Variants in CACNA1D observed in about 807,000 individuals in gnomAD.
CACNA1D encodes calcium voltage-gated channel subunit alpha1 D, also known as voltage-dependent L-type calcium channel subunit alpha-1D.
Under a neutral mutation model 257.1 loss-of-function variants are expected in CACNA1D, and 55 were observed. The ratio of observed to expected loss-of-function variants is 0.21; its 90% CI spans 0.17 to 0.27. The LOEUF (loss-of-function observed/expected upper bound fraction) is 0.27. Ranked by LOEUF, CACNA1D falls within the 10% of genes least tolerant of loss-of-function variation. CACNA1D has a pLI of 1.00. For missense variants in CACNA1D, 1,876 were observed against 2,784.0 expected, an observed-to-expected ratio of 0.67 and a Z score of 7.34; for synonymous variants, 980 against 1,014.9, an observed-to-expected ratio of 0.97 and a Z score of 0.65.
intron 3 of CACNA1D, among the ~76,000 whole-genome samples, chr3:53,601,424 G>C (rs544089173): frequency 6.6e-6 from 1 of 152,348 alleles, no homozygotes; most frequent in Non-Finnish European, 1.5e-5. Context: ...AGCTGGTTTA[G>C]TAGCAAGGGA....
At chr3:53,524,717 G>A (rs2091698401) in intron 3 of CACNA1D, among the ~76,000 whole-genome samples, 1 of 152,154 alleles carries the variant, frequency 6.6e-6, no homozygotes, top group Non-Finnish European at 1.5e-5. Context: ...AGCAGAGTAA[G>A]TTTTCAGGCT....
chr3:53,598,388 C>A (rs1299753071), intron 3 of CACNA1D, among the ~76,000 whole-genome samples: 11 of 150,972 alleles, frequency 7.3e-5, no homozygotes, highest in African/African-American at 2.7e-4. Context: ...CCAGCCTAAC[C>A]AACATGGCAC....
At chr3:53,539,027 G>A (rs542982434) in intron 3 of CACNA1D, among the ~76,000 whole-genome samples, 2 of 152,044 alleles carry the variant, frequency 1.3e-5, no homozygotes, top group Non-Finnish European at 2.9e-5. Context: ...GATCATTTAA[G>A]ACAAAATACG....
chr3:53,561,105 A>G lies in CACNA1D; in HGVS notation c.483+59385A>G, dbSNP rs374168209. On this transcript the variant is annotated intron_variant, in intron 3 of 47. Coordinates refer to ENST00000350061, the MANE Select transcript of CACNA1D (RefSeq NM_001128840.3). ...TTCATCTTCATTTTATGGATCAAGA[A>G]ACTGAGGCACAGAGAGGACTGCTAG... Among the ~76,000 whole-genome samples, 129 of 152,298 alleles carry G rather than the reference A, an allele frequency of 8.5e-4. 3 individuals are homozygous for G. The South Asian group carries it at 0.025, about 30-fold the overall frequency.
At chr3:53,531,334 G>A (rs569082542) in intron 3 of CACNA1D, among the ~76,000 whole-genome samples, 1 of 152,252 alleles carries the variant, frequency 6.6e-6, no homozygotes, top group Non-Finnish European at 1.5e-5. Context: ...TACGTTAGCA[G>A]ATTATAGTCT....
At chr3:53,682,103 C>T (rs2094435147) in intron 8 of CACNA1D, among the ~76,000 whole-genome samples, 1 of 152,068 alleles carries the variant, frequency 6.6e-6, no homozygotes, top group Non-Finnish European at 1.5e-5. Flanking sequence ...GAATTTTAAG[C>T]AGGGAGTGAT....
At chr3:53,690,511 G>T (rs2094509492) in intron 8 of CACNA1D, among the ~76,000 whole-genome samples, 1 of 152,194 alleles carries the variant, frequency 6.6e-6, no homozygotes, top group Admixed American at 6.5e-5. Flanking sequence ...GTGGTGCTCT[G>T]CCCCTTGTTC....
intron 3 of CACNA1D, among the ~76,000 whole-genome samples, chr3:53,563,768 A>G (rs143069591): frequency 4.7e-4 from 72 of 152,300 alleles, no homozygotes; most frequent in African/African-American, 1.5e-3. Flanking sequence ...TGATCTATCT[A>G]TACTTTGACT....
chr3:53,637,114 C>T (rs1183666656), intron 3 of CACNA1D, among the ~76,000 whole-genome samples: 2 of 152,006 alleles, frequency 1.3e-5, no homozygotes, highest in Non-Finnish European at 2.9e-5. Context: ...AAAAGATGCT[C>T]AATGGGAAAA....
chr3:53,531,635 A>G (rs942930885), intron 3 of CACNA1D, among the ~76,000 whole-genome samples: 1 of 152,180 alleles, frequency 6.6e-6, no homozygotes, highest in Non-Finnish European at 1.5e-5. Flanking sequence ...AGATTTTTCT[A>G]CAGAGGTACC....
chr3:53,663,539 G>A (rs947554758), intron 5 of CACNA1D, among the ~76,000 whole-genome samples: 2 of 152,140 alleles, frequency 1.3e-5, no homozygotes, highest in Non-Finnish European at 2.9e-5. Context: ...TCCTAATCCT[G>A]AGTGCTGCCC....
At chr3:53,585,012 T>C (rs931714621) in intron 3 of CACNA1D, among the ~76,000 whole-genome samples, 1 of 150,440 alleles carries the variant, frequency 6.6e-6, no homozygotes, top group Non-Finnish European at 1.5e-5. Context: ...CTTTTCTTTA[T>C]GCTACTTGTT....
chr3:53,803,804 G>A (rs1378192099), intron 44 of CACNA1D, among the ~76,000 whole-genome samples: 1 of 152,248 alleles, frequency 6.6e-6, no homozygotes, highest in Non-Finnish European at 1.5e-5. Context: ...GGGCCTCTGA[G>A]GCCTTTTAGT....
intron 45 of CACNA1D, among the ~76,000 whole-genome samples, chr3:53,806,206 A>C (rs9822784): frequency 0.37 from 18,905 of 51,460 alleles, 3,221 homozygotes; most frequent in African/African-American, 0.57. Flanking sequence ...CTCCTCCCTC[A>C]TCTTCCCTCC....
intron 30 of CACNA1D, among the ~76,000 whole-genome samples, chr3:53,767,367 C>G (rs1323827777): frequency 6.6e-6 from 1 of 152,040 alleles, no homozygotes; most frequent in Admixed American, 6.6e-5. Context: ...GAGTTGGAGA[C>G]CAGTCTGGCC....
intron 7 of CACNA1D, among the ~76,000 whole-genome samples, chr3:53,668,986 G>A (rs1418733537): frequency 1.3e-5 from 2 of 152,208 alleles, no homozygotes; most frequent in Non-Finnish European, 2.9e-5. Context: ...TGCAGGTCAT[G>A]CTGTGGGACC....
intron 8 of CACNA1D, among the ~76,000 whole-genome samples, chr3:53,700,500 T>C (rs1445699562): frequency 6.6e-6 from 1 of 152,212 alleles, no homozygotes; most frequent in East Asian, 1.9e-4. Context: ...CAGAGAATCA[T>C]TTGGTGAATT....
chr3:53,585,601 GGAGA>G (rs1284074127), intron 3 of CACNA1D, among the ~76,000 whole-genome samples: 1 of 151,958 alleles, frequency 6.6e-6, no homozygotes, highest in Non-Finnish European at 1.5e-5. Flanking sequence ...GATTCAAGCA[GGAGA>G]GAGAGAGTGA....
rs199505088 is a variant in CACNA1D at position 53,561,046 on chromosome 3, A to T, written c.483+59326A>T. Among the ~76,000 whole-genome samples, 4 of 152,336 alleles carry T rather than the reference A, an allele frequency of 2.6e-5. No individual in the cohort carries two copies. In the East Asian group the frequency reaches 7.7e-4, roughly 29 times the overall value. On this transcript the variant is annotated intron_variant, in intron 3 of 47. Transcript: ENST00000350061. ...GAGAGCTCATAGATGTTTTATCTTA[A>T]TTCATCTCCATATTACTTTGTAAGG...
Sources: gnomAD v4.1 joint callset for allele counts (sites outside exome capture counted in the v4.1 genomes callset) on GRCh38, gnomAD v4.1.1 for gene constraint, MANE v1.5 for transcripts, NCBI Gene and HGNC (gene_info 2026-07-23, HGNC 2026-07-21) for gene names.